Variants in SYNE1 observed in about 807,000 individuals in gnomAD.
SYNE1 encodes nesprin-1.
A neutral mutation model predicts 1,111.0 loss-of-function variants in SYNE1; 616 were observed. The ratio of observed to expected loss-of-function variants is 0.55; its 90% CI spans 0.52 to 0.59. The LOEUF (loss-of-function observed/expected upper bound fraction) is 0.59, where lower values mean the gene tolerates loss of function less well. Ranked by LOEUF, SYNE1 falls within the 20% of genes least tolerant of loss-of-function variation. SYNE1 has a pLI of 0.00. For synonymous variants in SYNE1, 3,855 were observed against 3,825.8 expected, an observed-to-expected ratio of 1.01 and a Z score of -0.28; for missense variants, 10,006 against 10,417.0, an observed-to-expected ratio of 0.96 and a Z score of 1.72.
At chr6:152,369,374 C>G (rs935535423) in intron 60 of SYNE1, 97 bp downstream of exon 60, 2 of 1,564,736 alleles carry the variant, frequency 1.3e-6, no homozygotes, top group African/African-American at 1.3e-5. Flanking sequence ...CACGGCAGCA[C>G]AGTCTAACTC....
Position 152,353,128 on chromosome 6 carries a change from A to C in SYNE1, c.11253+135T>G, listed in dbSNP as rs185622675. 913 of 1,217,056 alleles carry C rather than the reference A, an allele frequency of 7.5e-4. 3 individuals are homozygous for C. In the African/African-American group the frequency reaches 9.4e-3, roughly 12 times the overall value. The allele number at this position is 1,217,056 out of a possible 1,614,324, so 75.4% of individuals were successfully genotyped here. ...CCTTAAGGAGCCAACTTAGTATTTCAAGTAAAATGATGAGCTCAGGATCAC... is the reference window on the plus strand; with the variant it reads ...CCTTAAGGAGCCAACTTAGTATTTCCAGTAAAATGATGAGCTCAGGATCAC... On this transcript the variant is annotated intron_variant, in intron 69 of 145. Coordinates refer to ENST00000367255, the MANE Select transcript of SYNE1 (RefSeq NM_182961.4).
chr6:152,352,932 T>C lies in SYNE1; in HGVS notation c.11253+331A>G, dbSNP rs193057030. The stretch of plus-strand genomic sequence containing the variant: ...TCTCTCATCCTTAGCAATCTCCTTC[T>C]AAAGACCTGAGTTTAAACTCTTTAC... On this transcript the variant is annotated intron_variant, in intron 69 of 145. Transcript: ENST00000367255. 2.6e-3 allele frequency among the ~76,000 whole-genome samples: 391 copies of C among 152,332 alleles called. 1 individual carries two copies. The highest frequency in any genetic ancestry group is 3.1e-3 in the Admixed American group (48 of 15,298).
chr6:152,442,258 A>T lies in SYNE1; in HGVS notation c.3838-13T>A. ...GCTTTGTCTTTTGCTAGAAGCATTT[A>T]TTCAACAGATGGATATAAATTGTGC... On this transcript the variant is annotated splice_polypyrimidine_tract_variant and intron_variant, in intron 30 of 145. Coordinates refer to ENST00000367255, the MANE Select transcript of SYNE1 (RefSeq NM_182961.4). 1 of 1,611,824 alleles carries T rather than the reference A, an allele frequency of 6.2e-7. No individual in the cohort carries two copies. The highest frequency in any genetic ancestry group is 1.7e-5 in the Admixed American group (1 of 60,000).
rs758953542 is a variant in SYNE1, at chr6:152,281,825, G to A, written c.18363C>T (p.Ala6121=). ...TTGGTACCTGGCAGTCCATAAGCTG[G>A]GCCTCCATGTCCATGGGCTCCTTGG... ...SPPKEPMDME[A]QLMDCQNMLV... is the part of the protein sequence containing the mutation. Residue 6121 remains alanine, a synonymous_variant, in exon 97 of 146, where the codon GCC becomes GCT. Transcript: ENST00000367255. 1.4e-5 allele frequency: 23 copies of A among 1,614,048 alleles called. No individual in the cohort carries two copies. In the East Asian group the frequency reaches 4.5e-4, roughly 31 times the overall value.
At chr6:152,196,550 G>A (rs1448466479) in intron 127 of SYNE1, among the ~76,000 whole-genome samples, 7 of 151,984 alleles carry the variant, frequency 4.6e-5, no homozygotes, top group African/African-American at 1.7e-4. Context: ...TTCTCTTCTG[G>A]CCAAGGGTGT....
intron 16 of SYNE1, among the ~76,000 whole-genome samples, chr6:152,468,277 T>C (rs1429470329): frequency 6.6e-6 from 1 of 152,164 alleles, no homozygotes; most frequent in African/African-American, 2.4e-5. Flanking sequence ...TCAAGACTAT[T>C]TACATTAAAA....
chr6:152,293,367 GTC>G (rs755993291), intron 95 of SYNE1, among the ~76,000 whole-genome samples: 13 of 151,930 alleles, frequency 8.6e-5, no homozygotes, highest in African/African-American at 2.9e-4. Context: ...AGGTCTGCAT[GTC>G]TCTCTCTCTC....
At chr6:152,247,876 AC>A (rs2087865186) in intron 105 of SYNE1, among the ~76,000 whole-genome samples, 2 of 151,388 alleles carry the variant, frequency 1.3e-5, no homozygotes, top group Non-Finnish European at 2.9e-5. Flanking sequence ...ACACACACAC[AC>A]ACACACACAC....
Position 152,425,558 on chromosome 6 carries a change from C to A in SYNE1, c.5101-11G>T, listed in dbSNP as rs375142982. On this transcript the variant is annotated splice_polypyrimidine_tract_variant and intron_variant, in intron 38 of 145. Transcript: ENST00000367255. ...TTCATTTTGCAGTGCCTGAAAAATACAAGACATTACGGATCTCATCCTAAC... is the reference window on the plus strand; with the variant it reads ...TTCATTTTGCAGTGCCTGAAAAATAAAAGACATTACGGATCTCATCCTAAC... 8.0e-5 allele frequency: 129 copies of A among 1,613,958 alleles called. No homozygotes were observed. The highest frequency in any genetic ancestry group is 9.6e-5 in the Non-Finnish European group (113 of 1,179,994).
intron 12 of SYNE1, among the ~76,000 whole-genome samples, chr6:152,486,323 A>G (rs2098940363): frequency 1.3e-5 from 2 of 152,248 alleles, no homozygotes; most frequent in South Asian, 4.1e-4. Flanking sequence ...CATTTGCTAC[A>G]GATTGAAAGA....
At chr6:152,167,856 C>T (rs771036879) in intron 130 of SYNE1, 1 of 677,106 alleles carries the variant, frequency 1.5e-6, no homozygotes, top group Non-Finnish European at 2.8e-6. Flanking sequence ...GCATACGGTC[C>T]AGAGACAACT....
rs2098764718 is a variant in SYNE1 at position 152,466,073 on chromosome 6, A to G, written c.1638T>C (p.Phe546=). ...GTTCAAAGAACTTGCTATTTTCTAT[A>G]AAAGACTAGAAAAGGAGGAATGGTT... ...VEQLLQNYVS[F]IENSKFFEQY... Residue 546 remains phenylalanine (F), a synonymous_variant, in exon 17 of 146, where the codon TTT becomes TTC. Transcript: ENST00000367255. The G allele has an allele frequency of 1.3e-6, 2 of 1,577,388 alleles. No homozygotes were observed. The highest frequency in any genetic ancestry group is 1.1e-5 in the South Asian group (1 of 90,328).
intron 127 of SYNE1, among the ~76,000 whole-genome samples, chr6:152,197,708 A>C (rs1454090450): frequency 1.3e-5 from 2 of 152,144 alleles, no homozygotes; most frequent in African/African-American, 4.8e-5. Context: ...AATATCAGTA[A>C]AACTGTACTG....
chr6:152,316,632 A>T, intron 87 of SYNE1: 1 of 578,008 alleles, frequency 1.7e-6, no homozygotes, highest in Non-Finnish European at 3.0e-6. Flanking sequence ...AGGTAGGTTT[A>T]GGGAAGATCA....
In SYNE1 at chr6:152,323,581, G is replaced by A. The variant is rs1048882814; in HGVS notation, c.15814C>T (p.Arg5272Trp). The A allele has an allele frequency of 1.5e-5, 24 of 1,614,200 alleles. No individual in the cohort carries two copies. The highest frequency in any genetic ancestry group is 1.6e-4 in the Middle Eastern group (1 of 6,062). Residue 5272 changes from arginine to tryptophan, a missense_variant, in exon 82 of 146, where the codon CGG becomes TGG. Arg to Trp is a moderately radical substitution (Grantham distance 101). Transcript: ENST00000367255. ...TGGAGCATGCTCAGGGTTTGCTGCCGCAGCATGCCCAAGGCCGACTGCTGC... is the reference window on the plus strand; with the variant it reads ...TGGAGCATGCTCAGGGTTTGCTGCCACAGCATGCCCAAGGCCGACTGCTGC... Reference protein sequence around the residue: ...EQQQSALGMLRQQTLSMLQDG... With the variant: ...EQQQSALGMLWQQTLSMLQDG...
At chr6:152,348,117 T>C (rs536990777) in intron 72 of SYNE1, among the ~76,000 whole-genome samples, 19 of 152,350 alleles carry the variant, frequency 1.2e-4, no homozygotes, top group Admixed American at 1.2e-3. Context: ...TCTACTACTG[T>C]TTATAATAAT....
intron 127 of SYNE1, among the ~76,000 whole-genome samples, chr6:152,189,828 T>A (rs1293698741): frequency 3.3e-5 from 5 of 152,256 alleles, no homozygotes; most frequent in Admixed American, 1.3e-4. Flanking sequence ...GGCCATTGAC[T>A]GATCCAGTGG....
chr6:152,261,567 A>G (rs1002078019), intron 101 of SYNE1, among the ~76,000 whole-genome samples: 6 of 152,134 alleles, frequency 3.9e-5, no homozygotes, highest in African/African-American at 1.4e-4. Flanking sequence ...CCCTAGACCC[A>G]CCAACGTCCC....
rs761088272 is a variant in SYNE1 at position 152,284,163 on chromosome 6, C to T, written c.18022G>A (p.Asp6008Asn). The change falls in exon 96 of 146, where the codon GAT becomes AAT. Residue 6008 changes from aspartate (D) to asparagine (N), a missense_variant. Physicochemically the swap from Asp to Asn is conservative, Grantham distance 23. Coordinates refer to ENST00000367255, the MANE Select transcript of SYNE1 (RefSeq NM_182961.4). ...TCATCCTGGAGCATGAGAATCTCAT[C>T]CATCAATGCCTGGAGGAAAGACTGT... ...SQMAEHQALM[D>N]EILMLQDEIN... 6.2e-7 allele frequency: 1 copy of T among 1,614,108 alleles called. No individual in the cohort carries two copies. The highest frequency in any genetic ancestry group is 8.5e-7 in the Non-Finnish European group (1 of 1,180,016).
Sources: gnomAD v4.1 joint callset for allele counts (sites outside exome capture counted in the v4.1 genomes callset) on GRCh38, gnomAD v4.1.1 for gene constraint, MANE v1.5 for transcripts, NCBI Gene and HGNC (gene_info 2026-07-23, HGNC 2026-07-21) for gene names.